The following SYNPR variants were observed in gnomAD, a reference collection of about 807,000 sequenced individuals.
SYNPR encodes synaptoporin.
SYNPR carries 23 observed loss-of-function variants against 32.9 expected under a neutral mutation model. The ratio of observed to expected loss-of-function variants is 0.70; its 90% CI spans 0.50 to 0.99. SYNPR has a LOEUF of 0.99. Among genes scored for constraint, SYNPR ranks in the 50% least tolerant of loss-of-function variants. The probability of loss-of-function intolerance (pLI) is 0.00; values close to 1 mark genes in which losing one functional copy is unlikely to be tolerated. For missense variants in SYNPR, 318 were observed against 349.3 expected (o/e 0.91, Z 0.71); for synonymous variants, 146 against 135.9 (o/e 1.07, Z -0.52).
At chr3:63,464,828 A>G (rs1700648752) in intron 2 of SYNPR, among the ~76,000 whole-genome samples, 2 of 152,148 alleles carry the variant, frequency 1.3e-5, no homozygotes, top group African/African-American at 4.8e-5. Context: ...ACCTTGCTAG[A>G]TGTGTTAAAA....
At chr3:63,427,004 A>T (rs1699904678) in intron 2 of SYNPR, among the ~76,000 whole-genome samples, 1 of 152,176 alleles carries the variant, frequency 6.6e-6, no homozygotes, top group African/African-American at 2.4e-5. Context: ...CTTCTTGGGT[A>T]TATCCATACT....
At chr3:63,285,320 G>T (rs1288776443) in intron 2 of SYNPR, among the ~76,000 whole-genome samples, 1 of 152,072 alleles carries the variant, frequency 6.6e-6, no homozygotes, top group African/African-American at 2.4e-5. Context: ...TGTAGAAAAA[G>T]ACTTCGATTA....
chr3:63,491,817 G>A (rs11130932), intron 3 of SYNPR, among the ~76,000 whole-genome samples: 90,503 of 152,014 alleles, frequency 0.6, 27,094 homozygotes, highest in African/African-American at 0.64. Flanking sequence ...CACCATGCCC[G>A]GCCTAAATGT....
intron 3 of SYNPR, among the ~76,000 whole-genome samples, chr3:63,483,734 G>A (rs1701092001): frequency 6.6e-6 from 1 of 152,088 alleles, no homozygotes; most frequent in Non-Finnish European, 1.5e-5. Flanking sequence ...GATTGAAGTA[G>A]GTGAAAAAAA....
intron 2 of SYNPR, among the ~76,000 whole-genome samples, chr3:63,468,855 C>T (rs1027423452): frequency 6.6e-6 from 1 of 152,002 alleles, no homozygotes; most frequent in African/African-American, 2.4e-5. Flanking sequence ...ATAATGGATG[C>T]TGTGCTTATC....
intron 2 of SYNPR, among the ~76,000 whole-genome samples, chr3:63,408,604 G>T (rs1250844780): frequency 6.6e-6 from 1 of 152,148 alleles, no homozygotes; most frequent in African/African-American, 2.4e-5. Flanking sequence ...GAGTCCAGAA[G>T]CTGGAGAACC....
chr3:63,211,171 C>G, the SYNPR span, among the ~76,000 whole-genome samples: 2 of 152,280 alleles, frequency 1.3e-5, no homozygotes, highest in East Asian at 3.9e-4. Context: ...TGGGTTCAAG[C>G]AGTTCCCTGC....
chr3:63,371,142 C>T (rs186546277), intron 2 of SYNPR, among the ~76,000 whole-genome samples: 7 of 152,176 alleles, frequency 4.6e-5, no homozygotes, highest in African/African-American at 1.2e-4. Context: ...CCCCATACCT[C>T]GGAAAAATGA....
the SYNPR span, among the ~76,000 whole-genome samples, chr3:63,210,663 GAGA>G: frequency 6.6e-6 from 1 of 152,168 alleles, no homozygotes; most frequent in Non-Finnish European, 1.5e-5. Context: ...GAATGATGAA[GAGA>G]AGAAGTAAAA....
At chr3:63,596,181 T>A (rs2106885036) in intron 4 of SYNPR, among the ~76,000 whole-genome samples, 1 of 150,566 alleles carries the variant, frequency 6.6e-6, no homozygotes, top group Admixed American at 6.7e-5. Context: ...TGCCGCTGCC[T>A]CCTCCTCCTA....
At chr3:63,579,796 C>T in intron 4 of SYNPR, among the ~76,000 whole-genome samples, 1 of 138,180 alleles carries the variant, frequency 7.2e-6, no homozygotes, top group Non-Finnish European at 1.5e-5. Context: ...AAAACACACA[C>T]ACACACACAC....
intron 2 of SYNPR, among the ~76,000 whole-genome samples, chr3:63,385,936 T>C (rs1189373466): frequency 1.3e-5 from 2 of 152,206 alleles, no homozygotes; most frequent in African/African-American, 2.4e-5. Context: ...AAGCTAAGAC[T>C]CAAGGCCAAG....
Position 63,302,761 on chromosome 3 carries a change from GATA to G in SYNPR, c.84+24027_84+24029del, listed in dbSNP as rs202199022. Among the ~76,000 whole-genome samples the G allele has an allele frequency of 8.3e-3, 1,266 of 151,832 alleles. 24 individuals carry two copies. Among genetic ancestry groups the G allele is most frequent in the African/African-American group, 0.028 (1,146 of 41,426 alleles). The stretch of plus-strand genomic sequence containing the variant: ...TTTTCTTCTAAATACAAACCTAATG[GATA>G]ATAATAAACTTAGAAAAATTGATTA... On this transcript the variant is annotated intron_variant, in intron 2 of 5. Coordinates refer to ENST00000478300, the MANE Select transcript of SYNPR (RefSeq NM_001130003.2).
intron 2 of SYNPR, among the ~76,000 whole-genome samples, chr3:63,299,769 G>T (rs898347212): frequency 6.6e-6 from 1 of 152,122 alleles, no homozygotes; most frequent in Non-Finnish European, 1.5e-5. Flanking sequence ...AATTTTGTAA[G>T]GAAATGTGGT....
At chr3:63,334,197 A>T (rs913333416) in intron 2 of SYNPR, among the ~76,000 whole-genome samples, 2 of 152,202 alleles carry the variant, frequency 1.3e-5, no homozygotes, top group African/African-American at 4.8e-5. Context: ...AGCATGTAAA[A>T]GCCTAGTGCA....
intron 2 of SYNPR, among the ~76,000 whole-genome samples, chr3:63,336,694 A>G (rs973620948): frequency 6.6e-6 from 1 of 152,010 alleles, no homozygotes; most frequent in African/African-American, 2.4e-5. Flanking sequence ...TGGATTTGGT[A>G]ATGATTATTA....
intron 2 of SYNPR, among the ~76,000 whole-genome samples, chr3:63,384,260 T>C (rs2088012494): frequency 6.6e-6 from 1 of 152,256 alleles, no homozygotes; most frequent in South Asian, 2.1e-4. Context: ...AATCTCTTAT[T>C]TATTGCTGTA....
At chr3:63,575,322 C>T (rs528218334) in intron 4 of SYNPR, among the ~76,000 whole-genome samples, 1 of 152,230 alleles carries the variant, frequency 6.6e-6, no homozygotes, top group South Asian at 2.1e-4. Flanking sequence ...GCTTCTTGAA[C>T]CTCTTCCTAC....
At chr3:63,211,632 G>C in the SYNPR span, among the ~76,000 whole-genome samples, 6 of 152,032 alleles carry the variant, frequency 3.9e-5, no homozygotes, top group Non-Finnish European at 8.8e-5. Context: ...AAATTAGCCT[G>C]CCATATCAGC....
Sources: gnomAD v4.1 joint callset for allele counts (sites outside exome capture counted in the v4.1 genomes callset) on GRCh38, gnomAD v4.1.1 for gene constraint, MANE v1.5 for transcripts, NCBI Gene and HGNC (gene_info 2026-07-23, HGNC 2026-07-21) for gene names.